The following SPIB variants were observed in gnomAD, a reference collection of about 807,000 sequenced individuals.
SPIB encodes the protein transcription factor Spi-B.
In SPIB, 7 loss-of-function variants were observed where a neutral mutation model predicts 31.9. The observed-to-expected ratio is 0.22, with a 90% CI of 0.12 to 0.41. The LOEUF (loss-of-function observed/expected upper bound fraction) is 0.41. Ranked by LOEUF, SPIB falls within the 10% of genes least tolerant of loss-of-function variation. SPIB has a pLI of 1.00. For synonymous variants in SPIB, 176 were observed against 158.9 expected (o/e 1.11, Z -0.81); for missense variants, 327 against 360.2 (o/e 0.91, Z 0.75).
Position 50,428,267 on chromosome 19 carries a change from C to T in SPIB, c.720C>T (p.Ile240=). 1.9e-6 allele frequency: 3 copies of T among 1,552,858 alleles called. No individual in the cohort carries two copies. Among genetic ancestry groups the T allele is most frequent in the Non-Finnish European group, 2.6e-6 (3 of 1,147,724 alleles). ...GAAACTACGCCAAGACCGGCGAGAT[C>T]CGCAAGGTCAAGCGCAAGCTCACCT... The part of the protein sequence containing the change: ...ALRNYAKTGE[I]RKVKRKLTYQ... The change falls in exon 6 of 6, where the codon ATC becomes ATT. Residue 240 remains isoleucine (I), a synonymous_variant. Transcript: ENST00000595883. The surrounding 1 kb of genome is among the most constrained non-coding windows in gnomAD (Gnocchi z 6.5).
intron 4 of SPIB, chr19:50,423,278 G>A: frequency 2.1e-6 from 1 of 479,758 alleles, no homozygotes; most frequent in South Asian, 4.4e-5. Flanking sequence ...CTGGGTGCCG[G>A]GCACTGCATT....
chr19:50,423,312 C>T (rs900328382), intron 4 of SPIB: 2 of 509,252 alleles, frequency 3.9e-6, no homozygotes, highest in Admixed American at 7.0e-5. Context: ...GTAAGCCCTG[C>T]AGCGGCCTCC....
At chr19:50,421,894 C>T (rs569504916) in intron 2 of SPIB, among the ~76,000 whole-genome samples, 31 of 152,124 alleles carry the variant, frequency 2.0e-4, no homozygotes, top group Admixed American at 6.5e-4. Flanking sequence ...GGATTACAGG[C>T]GTGCGCCACC....
At chr19:50,427,284 GGAGGTC>G (rs1288556161) in intron 5 of SPIB, among the ~76,000 whole-genome samples, 3 of 151,948 alleles carry the variant, frequency 2.0e-5, no homozygotes, top group Non-Finnish European at 4.4e-5. Context: ...CAGCACTTTG[GGAGGTC>G]GAGGTGGGCG....
intron 2 of SPIB, 150 bp from the exon 3 acceptor site, chr19:50,422,323 T>C: frequency 1.6e-6 from 1 of 615,008 alleles, no homozygotes; most frequent in South Asian, 2.2e-5. Context: ...CTCTGATGCC[T>C]AGTCTCTGTG....
intron 5 of SPIB, among the ~76,000 whole-genome samples, chr19:50,426,858 A>C (rs1435473668): frequency 1.3e-5 from 2 of 152,042 alleles, no homozygotes; most frequent in Non-Finnish European, 2.9e-5. Flanking sequence ...ATCCGGGTGC[A>C]GTGGCTCACA....
chr19:50,424,652 G>A (rs527501346), intron 5 of SPIB, among the ~76,000 whole-genome samples: 4 of 152,134 alleles, frequency 2.6e-5, no homozygotes, highest in African/African-American at 9.6e-5. Flanking sequence ...GTGGTGGTGT[G>A]CACCTGTAGT....
intron 2 of SPIB, among the ~76,000 whole-genome samples, chr19:50,420,907 C>A (rs911324144): frequency 2.0e-5 from 3 of 152,172 alleles, no homozygotes; most frequent in Non-Finnish European, 4.4e-5. Context: ...GGATTACAGG[C>A]GTGAGCCACC....
intron 5 of SPIB, among the ~76,000 whole-genome samples, chr19:50,427,607 T>C (rs1310646949): frequency 6.6e-6 from 1 of 152,210 alleles, no homozygotes. Flanking sequence ...GCTGAGAGGC[T>C]GGGAGACCAG....
chr19:50,428,573 G>A lies in SPIB; in HGVS notation c.*237G>A. On this transcript the variant is annotated 3_prime_UTR_variant, in exon 6 of 6. Coordinates refer to ENST00000595883, the MANE Select transcript of SPIB (RefSeq NM_003121.5). This position sits in a 1 kb window ranked among gnomAD's most constrained non-coding sequence, Gnocchi z 6.5. ...TTTCTTTGTCATGTACAGACTCCCT[G>A]GGATCCTCATGTTTTGGGTGACAGG... 2.1e-6 allele frequency: 1 copy of A among 481,162 alleles called. No individual in the cohort carries two copies. Among genetic ancestry groups the A allele is most frequent in the East Asian group, 3.4e-5 (1 of 29,424 alleles). 29.8% of individuals were successfully genotyped at this position (481,162 alleles called of 1,614,324 possible).
chr19:50,423,155 G>A (rs1339790002), intron 4 of SPIB, 118 bp downstream of exon 4: 9 of 518,214 alleles, frequency 1.7e-5, no homozygotes, highest in Admixed American at 6.9e-5. Context: ...CCAGAAGGTC[G>A]AGGCAATCCA....
Position 50,430,411 on chromosome 19 carries a change from C to T in SPIB, c.*2075C>T, listed in dbSNP as rs1027511670. On this transcript the variant is annotated 3_prime_UTR_variant, in exon 6 of 6. Transcript: ENST00000595883. ...GCTGCTTCCCAACCTTAGTTTGTCC[C>T]TTCTGTGAAAAAGGGAGAGAAGGAG... 1.3e-5 allele frequency: 2 copies of T among 152,116 alleles called. No homozygotes were observed. The highest frequency in any genetic ancestry group is 2.9e-5 in the Non-Finnish European group (2 of 68,112). 9.4% of individuals were successfully genotyped at this position (152,116 alleles called of 1,614,324 possible). A position where few individuals can be genotyped will look rare whatever the true frequency, so the allele number is the denominator to read the frequency against.
intron 5 of SPIB, among the ~76,000 whole-genome samples, chr19:50,425,774 G>A (rs555660061): frequency 1.3e-5 from 2 of 152,298 alleles, no homozygotes; most frequent in African/African-American, 2.4e-5. Context: ...TATAGGTCCT[G>A]GGGCATACAT....
rs1005520663 is a variant in SPIB, at chr19:50,427,741, T to C, written c.491-297T>C. ...CTTTCATCCACTAGCTCAACAAATA[T>C]GGAATATTACGTGCTGGCCGCAGGG... On this transcript the variant is annotated intron_variant, in intron 5 of 5. Transcript: ENST00000595883. Among the ~76,000 whole-genome samples the C allele has an allele frequency of 5.9e-5, 9 of 152,096 alleles. No homozygotes were observed. The East Asian group carries it at 7.8e-4, about 13-fold the overall frequency.
chr19:50,419,370 T>C (rs2039456273), intron 1 of SPIB, among the ~76,000 whole-genome samples: 1 of 152,158 alleles, frequency 6.6e-6, no homozygotes, highest in Non-Finnish European at 1.5e-5. Flanking sequence ...TGCCTGTCTC[T>C]GTGTCTCTGT....
chr19:50,419,689 C>T (rs2039463965), intron 1 of SPIB, among the ~76,000 whole-genome samples: 1 of 152,210 alleles, frequency 6.6e-6, no homozygotes, highest in Non-Finnish European at 1.5e-5. Flanking sequence ...CTTTCTCTCC[C>T]TCACTTTCCC....
At chr19:50,424,471 A>AC (rs2039541443) in intron 5 of SPIB, among the ~76,000 whole-genome samples, 1 of 151,608 alleles carries the variant, frequency 6.6e-6, no homozygotes, top group Admixed American at 6.6e-5. Context: ...ACATGGCAAA[A>AC]CCCCGTCTCT....
chr19:50,426,957 C>A (rs1473195440), intron 5 of SPIB, among the ~76,000 whole-genome samples: 4 of 149,922 alleles, frequency 2.7e-5, no homozygotes, highest in Non-Finnish European at 5.9e-5. Flanking sequence ...TAGTAAGACA[C>A]CATCTCTACA....
chr19:50,422,732 A>T, intron 3 of SPIB, 91 bp from the exon 4 acceptor site: 1 of 1,092,288 alleles, frequency 9.2e-7, no homozygotes, highest in Non-Finnish European at 1.4e-6. Context: ...AGATTTGCAC[A>T]GCCTACAATG....
Sources: allele counts gnomAD v4.1 joint callset (sites outside exome capture counted in the v4.1 genomes callset), GRCh38; gene constraint gnomAD v4.1.1; non-coding constraint Gnocchi (gnomAD v3.1); transcripts MANE v1.5; gene names NCBI Gene and HGNC (gene_info 2026-07-23, HGNC 2026-07-21).